YAF2: variants seen among roughly 807,000 people sequenced by gnomAD.
YAF2 encodes the protein YY1-associated factor 2.
A neutral mutation model predicts 20.1 loss-of-function variants in YAF2; 7 were observed. The observed-to-expected ratio is 0.35, with a 90% CI of 0.20 to 0.65. The LOEUF is 0.65. Ranked by LOEUF, YAF2 falls within the 30% of genes least tolerant of loss-of-function variation. The pLI, the probability that YAF2 is intolerant of heterozygous loss-of-function variation, is 0.69. For missense variants in YAF2, 151 were observed against 219.2 expected, an observed-to-expected ratio of 0.69 and a Z score of 1.96; for synonymous variants, 74 against 76.0, an observed-to-expected ratio of 0.97 and a Z score of 0.14.
At chr12:42,214,978 T>C (rs779742148) in intron 2 of YAF2, among the ~76,000 whole-genome samples, 47 of 152,048 alleles carry the variant, frequency 3.1e-4, no homozygotes, top group Admixed American at 1.4e-3. Flanking sequence ...CACTCCAGCC[T>C]GGGCAACAGA....
Position 42,197,600 on chromosome 12 carries a change from C to T in YAF2, c.153-35835G>A, listed in dbSNP as rs112634970. Among the ~76,000 whole-genome samples, 527 of 152,172 alleles carry T rather than the reference C, an allele frequency of 3.5e-3. 4 individuals are homozygous for T. Among genetic ancestry groups the T allele is most frequent in the African/African-American group, 0.012 (487 of 41,540 alleles). On this transcript the variant is annotated intron_variant, in intron 2 of 3. Transcript: ENST00000534854. The stretch of plus-strand genomic sequence containing the variant: ...AGAACTAAAATTGCATGTGAGATTC[C>T]GCTGGAATAGAGGTGGTGTAACAAA...
intron 2 of YAF2, among the ~76,000 whole-genome samples, chr12:42,196,945 G>C (rs1421280571): frequency 6.6e-6 from 1 of 152,186 alleles, no homozygotes. Flanking sequence ...CAGGAATGGA[G>C]AGTTACTAAA....
intron 2 of YAF2, chr12:42,210,488 GA>G: frequency 6.5e-7 from 1 of 1,535,966 alleles, no homozygotes; most frequent in South Asian, 1.2e-5. Flanking sequence ...GTATATGTAA[GA>G]AAGTTTGGGG....
chr12:42,178,275 A>G (rs1000919651), intron 2 of YAF2, among the ~76,000 whole-genome samples: 3 of 152,182 alleles, frequency 2.0e-5, no homozygotes, highest in East Asian at 1.9e-4. Context: ...TAAAATTACT[A>G]TACTTGGGCC....
At chr12:42,197,192 C>T (rs2066775637) in intron 2 of YAF2, among the ~76,000 whole-genome samples, 1 of 152,226 alleles carries the variant, frequency 6.6e-6, no homozygotes, top group African/African-American at 2.4e-5. Context: ...TGCTGTTTAG[C>T]AAGTTGTTAG....
chr12:42,237,632 A>G lies in YAF2; in HGVS notation c.119T>C (p.Met40Thr), dbSNP rs777045990. ...FRNSAEAFKC[M>T]MCDVRKGTST... ...GGTGCCCTTCCGCACATCGCACATC[A>G]TGCACTTGAAGGCCTCGGCGCTGTT... Residue 40 changes from methionine to threonine, a missense_variant, in exon 2 of 4, where the codon ATG becomes ACG. Met to Thr is a moderately conservative substitution (Grantham distance 81). Transcript: ENST00000534854. 24 of 1,563,082 alleles carry G rather than the reference A, an allele frequency of 1.5e-5. No homozygotes were observed. The highest frequency in any genetic ancestry group is 1.7e-5 in the Non-Finnish European group (20 of 1,155,468).
chr12:42,198,526 C>T (rs1224869071), intron 2 of YAF2, among the ~76,000 whole-genome samples: 1 of 152,158 alleles, frequency 6.6e-6, no homozygotes, highest in Non-Finnish European at 1.5e-5. Context: ...GCGCAGGTTG[C>T]AGTGAGCTGA....
chr12:42,189,660 A>G lies in YAF2; in HGVS notation c.153-27895T>C, dbSNP rs192122703. Among the ~76,000 whole-genome samples, 61 of 152,354 alleles carry G rather than the reference A, an allele frequency of 4.0e-4. 1 individual carries two copies. In the East Asian group the frequency reaches 0.01, roughly 25 times the overall value. ...GATGTTTATGATACATACATTATAG[A>G]TAAAACATATAGTATATGCCTTTTT... On this transcript the variant is annotated intron_variant, in intron 2 of 3. Transcript: ENST00000534854.
At chr12:42,181,732 T>C in intron 2 of YAF2, among the ~76,000 whole-genome samples, 1 of 152,208 alleles carries the variant, frequency 6.6e-6, no homozygotes, top group East Asian at 1.9e-4. Flanking sequence ...AAAATAATGC[T>C]GTGAAAGCAA....
At chr12:42,165,715 C>A (rs1445880109) in intron 2 of YAF2, among the ~76,000 whole-genome samples, 1 of 150,290 alleles carries the variant, frequency 6.7e-6, no homozygotes, top group Non-Finnish European at 1.5e-5. Context: ...TCATGATCTG[C>A]CCGCCTCAGC....
rs144305784 is a variant in YAF2, at chr12:42,177,275, A to G, written c.153-15510T>C. Among the ~76,000 whole-genome samples, 545 of 152,310 alleles carry G rather than the reference A, an allele frequency of 3.6e-3. 1 individual carries two copies. Among genetic ancestry groups the G allele is most frequent in the African/African-American group, 0.012 (510 of 41,554 alleles). ...AGTGTCTTAGTCTGCTTGGGCTGTCATAACAAAATACCATAGACTGGGTAG... is the reference window on the plus strand; with the variant it reads ...AGTGTCTTAGTCTGCTTGGGCTGTCGTAACAAAATACCATAGACTGGGTAG... On this transcript the variant is annotated intron_variant, in intron 2 of 3. Transcript: ENST00000534854.
At chr12:42,228,071 C>T (rs1363980550) in intron 2 of YAF2, among the ~76,000 whole-genome samples, 42 of 88,964 alleles carry the variant, frequency 4.7e-4, no homozygotes, top group African/African-American at 1.2e-3. Context: ...AGGTGAGGGG[C>T]GCCTCTGCCC....
chr12:42,190,108 T>A (rs181134910), intron 2 of YAF2, among the ~76,000 whole-genome samples: 1 of 152,298 alleles, frequency 6.6e-6, no homozygotes, highest in East Asian at 1.9e-4. Flanking sequence ...TTTGAGAGGC[T>A]AAGGCCAAAG....
chr12:42,192,942 A>G (rs1467274289), intron 2 of YAF2, among the ~76,000 whole-genome samples: 1 of 152,262 alleles, frequency 6.6e-6, no homozygotes, highest in Non-Finnish European at 1.5e-5. Flanking sequence ...AGTAGCTGTC[A>G]TAACATCACA....
chr12:42,188,163 C>T (rs115376511), intron 2 of YAF2, among the ~76,000 whole-genome samples: 1,599 of 151,756 alleles, frequency 0.011, 27 homozygotes, highest in African/African-American at 0.037. Context: ...AATCTGTTTA[C>T]CAAAAACATG....
At chr12:42,228,446 T>C (rs866478812) in intron 2 of YAF2, among the ~76,000 whole-genome samples, 1,524 of 15,266 alleles carry the variant, frequency 0.1, 2 homozygotes, top group African/African-American at 0.17. Flanking sequence ...GCCCCCCGCC[T>C]GGCCAGCCGC....
At chr12:42,222,638 C>A (rs2067553894) in intron 2 of YAF2, among the ~76,000 whole-genome samples, 1 of 152,154 alleles carries the variant, frequency 6.6e-6, no homozygotes, top group Admixed American at 6.5e-5. Context: ...TCCCAGGAAT[C>A]ATCTACTTTG....
At chr12:42,235,051 G>A (rs139849170) in intron 2 of YAF2, 3 of 985,346 alleles carry the variant, frequency 3.0e-6, no homozygotes, top group African/African-American at 1.7e-5. Context: ...TTCTCTGCAG[G>A]TCTAAAAAGA....
At chr12:42,164,609 A>G (rs982212219) in intron 2 of YAF2, among the ~76,000 whole-genome samples, 4 of 152,184 alleles carry the variant, frequency 2.6e-5, no homozygotes, top group Non-Finnish European at 4.4e-5. Flanking sequence ...TCAAATTTCA[A>G]AAGAAGTAAT....
Sources: allele counts gnomAD v4.1 joint callset (sites outside exome capture counted in the v4.1 genomes callset), GRCh38; gene constraint gnomAD v4.1.1; transcripts MANE v1.5; gene names NCBI Gene and HGNC (gene_info 2026-07-23, HGNC 2026-07-21).